Variants in FBXO11 observed in about 807,000 individuals in gnomAD.
FBXO11 encodes the protein F-box only protein 11.
FBXO11 carries 13 observed loss-of-function variants against 117.0 expected under a neutral mutation model. The ratio of observed to expected loss-of-function variants is 0.11; its 90% confidence interval spans 0.07 to 0.18. FBXO11 has a LOEUF of 0.18. Among genes scored for constraint, FBXO11 ranks in the 10% least tolerant of loss-of-function variants. The pLI is 1.00. For synonymous variants in FBXO11, 490 were observed against 380.5 expected, an observed-to-expected ratio of 1.29 and a Z score of -3.35; for missense variants, 767 against 1,164.4, an observed-to-expected ratio of 0.66 and a Z score of 4.97.
intron 20 of FBXO11, 157 bp from the exon 21 acceptor site, chr2:47,809,423 ATT>A: frequency 1.5e-6 from 1 of 687,948 alleles, no homozygotes; most frequent in Non-Finnish European, 2.4e-6. Context: ...TAAGAATAGA[ATT>A]TTCCTTGTAT....
intron 1 of FBXO11, among the ~76,000 whole-genome samples, chr2:47,845,157 C>A (rs1673311189): frequency 6.6e-6 from 1 of 151,422 alleles, no homozygotes; most frequent in South Asian, 2.1e-4. Context: ...CCCACCCCAC[C>A]CTGGAATCCT....
At chr2:47,824,324 G>A (rs78398271) in intron 11 of FBXO11, among the ~76,000 whole-genome samples, 10,878 of 152,124 alleles carry the variant, frequency 0.072, 551 homozygotes, top group Non-Finnish European at 0.11. Context: ...CGTCTCTACA[G>A]AAAAAGTTAA....
chr2:47,900,752 ACACACACG>A (rs1678139816), intron 1 of FBXO11, among the ~76,000 whole-genome samples: 1 of 116,244 alleles, frequency 8.6e-6, no homozygotes, highest in Non-Finnish European at 1.8e-5. Flanking sequence ...ATACACGTAT[ACACACACG>A]TGTATATATA....
chr2:47,896,571 C>A (rs1189610687), intron 1 of FBXO11, among the ~76,000 whole-genome samples: 1 of 152,140 alleles, frequency 6.6e-6, no homozygotes, highest in African/African-American at 2.4e-5. Context: ...CTCAAGCGAT[C>A]CACCCCACCC....
chr2:47,852,115 G>C (rs553270451), intron 1 of FBXO11, among the ~76,000 whole-genome samples: 2 of 150,896 alleles, frequency 1.3e-5, no homozygotes, highest in East Asian at 2.0e-4. Flanking sequence ...TCAGCCTCCC[G>C]AATAGCTGGG....
chr2:47,854,405 T>TA (rs1249674408), intron 1 of FBXO11, among the ~76,000 whole-genome samples: 10 of 152,190 alleles, frequency 6.6e-5, no homozygotes, highest in Admixed American at 3.9e-4. Context: ...TTTCCCATCT[T>TA]AGACTTATTT....
intron 11 of FBXO11, among the ~76,000 whole-genome samples, chr2:47,829,009 C>T (rs1671981288): frequency 6.7e-6 from 1 of 148,188 alleles, no homozygotes. Context: ...CCACCTCCCA[C>T]CTCCCCACTT....
intron 1 of FBXO11, among the ~76,000 whole-genome samples, chr2:47,875,615 A>C: frequency 6.6e-6 from 1 of 152,210 alleles, no homozygotes; most frequent in South Asian, 2.1e-4. Flanking sequence ...AATGGATGTT[A>C]GGTTTATAAA....
intron 1 of FBXO11, among the ~76,000 whole-genome samples, chr2:47,877,266 A>G (rs1231815782): frequency 1.3e-5 from 2 of 152,050 alleles, no homozygotes; most frequent in Non-Finnish European, 2.9e-5. Flanking sequence ...TTTTATGGCA[A>G]TTATTCCTTC....
intron 21 of FBXO11, 120 bp from the exon 22 acceptor site, chr2:47,808,547 G>C: frequency 1.3e-6 from 1 of 743,612 alleles, no homozygotes; most frequent in Middle Eastern, 4.0e-4. Flanking sequence ...ATTCTTTGTG[G>C]CTCCAGCCCA....
chr2:47,823,553 G>A (rs890090482), intron 11 of FBXO11, among the ~76,000 whole-genome samples, 193 bp from the exon 12 acceptor site: 2 of 152,098 alleles, frequency 1.3e-5, no homozygotes, highest in Non-Finnish European at 2.9e-5. Context: ...GTCAAGAGGA[G>A]ACCAGCCTGG....
At chr2:47,827,685 A>G (rs1293255362) in intron 11 of FBXO11, among the ~76,000 whole-genome samples, 1 of 150,776 alleles carries the variant, frequency 6.6e-6, no homozygotes, top group Non-Finnish European at 1.5e-5. Context: ...AATAATACAG[A>G]ACTGTAAGAA....
At position 47,886,285 on chromosome 2, in the gene FBXO11, T is replaced by C. The variant is rs1300013315; in HGVS notation, c.232+19204A>G. 7.9e-5 allele frequency among the ~76,000 whole-genome samples: 12 copies of C among 152,174 alleles called. No individual in the cohort carries two copies. The South Asian group carries it at 2.5e-3, about 32-fold the overall frequency. ...ACTTTGGGAGGCCGAGGCAGGCAGA[T>C]CACAAGGTCAGGAGTTCAAGACCAG... is the stretch of plus-strand genomic sequence containing the variant. On this transcript the variant is annotated intron_variant, in intron 1 of 22. Coordinates refer to ENST00000403359, the MANE Select transcript of FBXO11 (RefSeq NM_001190274.2).
At chr2:47,857,625 A>G in intron 1 of FBXO11, among the ~76,000 whole-genome samples, 1 of 152,200 alleles carries the variant, frequency 6.6e-6, no homozygotes, top group Middle Eastern at 3.2e-3. Flanking sequence ...TAGGGGTAAG[A>G]TAAGGACAGA....
chr2:47,812,375 ATATC>A (rs1190874782), intron 18 of FBXO11, among the ~76,000 whole-genome samples: 1 of 152,200 alleles, frequency 6.6e-6, no homozygotes, highest in African/African-American at 2.4e-5. Context: ...TTGCCAGTAA[ATATC>A]TACTCATTTT....
intron 1 of FBXO11, among the ~76,000 whole-genome samples, chr2:47,868,681 T>G (rs1258619667): frequency 1.3e-5 from 2 of 152,154 alleles, no homozygotes; most frequent in Non-Finnish European, 2.9e-5. Flanking sequence ...GAATGGAGGT[T>G]ATACATGGGC....
intron 1 of FBXO11, among the ~76,000 whole-genome samples, chr2:47,849,529 GACAC>G: frequency 6.6e-6 from 1 of 152,190 alleles, no homozygotes; most frequent in Non-Finnish European, 1.5e-5. Flanking sequence ...AGGTATTGGT[GACAC>G]AGGTCAATCA....
intron 18 of FBXO11, 129 bp from the exon 19 acceptor site, chr2:47,810,555 A>G: frequency 1.8e-6 from 1 of 558,536 alleles, no homozygotes; most frequent in Non-Finnish European, 3.0e-6. Flanking sequence ...CTATTTTTTC[A>G]GCCAAAACAA....
chr2:47,835,933 T>A lies in FBXO11; in HGVS notation c.656A>T (p.Tyr219Phe). The change falls in exon 5 of 23, where the codon TAC becomes TTC. Residue 219 changes from tyrosine (Y) to phenylalanine (F), a missense_variant. Tyr to Phe is a conservative substitution (Grantham distance 22). Coordinates refer to ENST00000403359, the MANE Select transcript of FBXO11 (RefSeq NM_001190274.2). Reference protein sequence around the residue: ...PMMHPEPGKFYQINPEEYEHP... With the variant: ...PMMHPEPGKFFQINPEEYEHP... ...TTCATACTCTTCTGGATTAATCTGG[T>A]AGAATTTTCCAGGTTCAGGATGCAT... The A allele has an allele frequency of 6.2e-7, 1 of 1,611,382 alleles. No homozygotes were observed.
Sources: gnomAD v4.1 joint callset for allele counts (sites outside exome capture counted in the v4.1 genomes callset) on GRCh38, gnomAD v4.1.1 for gene constraint, MANE v1.5 for transcripts, NCBI Gene and HGNC (gene_info 2026-07-23, HGNC 2026-07-21) for gene names.